The following BCAR3 variants were observed in gnomAD, a reference collection of about 807,000 sequenced individuals.
BCAR3 encodes BCAR3 adaptor protein, NSP family member, also known as breast cancer anti-estrogen resistance protein 3.
A neutral mutation model predicts 80.1 loss-of-function variants in BCAR3; 37 were observed. That is an observed-to-expected ratio of 0.46 (90% CI 0.36 to 0.61). The LOEUF (loss-of-function observed/expected upper bound fraction) is 0.61, where lower values mean the gene tolerates loss of function less well. Ranked by LOEUF, BCAR3 falls within the 20% of genes least tolerant of loss-of-function variation. The pLI is 0.00. For missense variants in BCAR3, 978 were observed against 1,068.2 expected (o/e 0.92, Z 1.18); for synonymous variants, 389 against 418.9 (o/e 0.93, Z 0.87).
At chr1:93,836,387 T>A (rs1033407608) in intron 2 of BCAR3, among the ~76,000 whole-genome samples, 1 of 152,126 alleles carries the variant, frequency 6.6e-6, no homozygotes, top group Non-Finnish European at 1.5e-5. Context: ...TTTTTATCCT[T>A]CTCTTATTTG....
intron 2 of BCAR3, among the ~76,000 whole-genome samples, chr1:93,754,771 G>T (rs920624905): frequency 2.6e-4 from 40 of 152,138 alleles, no homozygotes; most frequent in Non-Finnish European, 2.1e-4. Flanking sequence ...CATAATTGAT[G>T]ATAATAAATG....
intron 2 of BCAR3, among the ~76,000 whole-genome samples, chr1:93,838,016 C>T (rs562794833): frequency 1.6e-3 from 251 of 152,308 alleles, no homozygotes; most frequent in Non-Finnish European, 1.4e-3. Flanking sequence ...CATTATTGTT[C>T]GCCACAGGCT....
At chr1:93,575,236 C>T (rs1673405783) in intron 8 of BCAR3, among the ~76,000 whole-genome samples, 1 of 152,136 alleles carries the variant, frequency 6.6e-6, no homozygotes, top group African/African-American at 2.4e-5. Flanking sequence ...TCATGGAAAG[C>T]CATGGGCAGT....
At chr1:93,640,306 A>G (rs528858515) in intron 3 of BCAR3, among the ~76,000 whole-genome samples, 1 of 152,282 alleles carries the variant, frequency 6.6e-6, no homozygotes, top group South Asian at 2.1e-4. Flanking sequence ...AGAGACCTCT[A>G]TGAATGTGCT....
intron 2 of BCAR3, among the ~76,000 whole-genome samples, chr1:93,717,809 G>C (rs1650243639): frequency 6.6e-6 from 1 of 152,170 alleles, no homozygotes; most frequent in Non-Finnish European, 1.5e-5. Flanking sequence ...CCTTTGCAGG[G>C]TTGTTATTGG....
exon 2 of BCAR3, chr1:93,845,706 T>C (rs1367896361): frequency 2.0e-5 from 3 of 152,026 alleles, no homozygotes; most frequent in African/African-American, 7.3e-5. Flanking sequence ...GATGAGGTAA[T>C]GTCTCCCTAT....
chr1:93,706,282 C>G (rs545813229), intron 2 of BCAR3: 1 of 152,276 alleles, frequency 6.6e-6, no homozygotes, highest in East Asian at 1.9e-4. Context: ...AGTCTACAGC[C>G]CCTCCTGGAG....
chr1:93,616,068 T>C (rs527838299), intron 3 of BCAR3, among the ~76,000 whole-genome samples: 6 of 152,240 alleles, frequency 3.9e-5, no homozygotes, highest in South Asian at 2.1e-4. Context: ...TCACATAGAA[T>C]TACGAATAAA....
chr1:93,617,740 G>T (rs908215837), intron 3 of BCAR3, among the ~76,000 whole-genome samples: 1 of 152,170 alleles, frequency 6.6e-6, no homozygotes, highest in Admixed American at 6.5e-5. Flanking sequence ...GATGCAACCA[G>T]CTCCATCTTT....
At chr1:93,565,468 CACTT>C (rs1384260505) in intron 11 of BCAR3, among the ~76,000 whole-genome samples, 29 of 152,304 alleles carry the variant, frequency 1.9e-4, no homozygotes, top group African/African-American at 6.5e-4. Context: ...GGTTCACTGT[CACTT>C]ACAGCAATGG....
intron 2 of BCAR3, among the ~76,000 whole-genome samples, chr1:93,762,819 C>T (rs1651999522): frequency 6.6e-6 from 1 of 152,060 alleles, no homozygotes; most frequent in African/African-American, 2.4e-5. Flanking sequence ...TCTCTCTCTC[C>T]CTCCTGAATC....
chr1:93,681,991 G>A (rs1442524266), upstream of BCAR3, among the ~76,000 whole-genome samples: 1 of 151,786 alleles, frequency 6.6e-6, no homozygotes, highest in Non-Finnish European at 1.5e-5. Context: ...TTAGAGTTTG[G>A]CTCTCTTCGT....
intron 3 of BCAR3, among the ~76,000 whole-genome samples, chr1:93,699,351 G>A (rs1649552801): frequency 6.6e-6 from 1 of 152,188 alleles, no homozygotes; most frequent in African/African-American, 2.4e-5. Context: ...GGCACTTGAA[G>A]CCAATCTCCC....
At chr1:93,575,991 G>A (rs751032683) in intron 8 of BCAR3, 23 bp downstream of exon 8, 1 of 1,601,656 alleles carries the variant, frequency 6.2e-7, no homozygotes, top group Non-Finnish European at 8.6e-7. Flanking sequence ...AGGGTCGGAA[G>A]TGCAGAGGAC....
intron 2 of BCAR3, among the ~76,000 whole-genome samples, chr1:93,672,283 T>C (rs1230829487): frequency 1.3e-5 from 2 of 152,184 alleles, no homozygotes; most frequent in East Asian, 1.9e-4. Flanking sequence ...TACCAAGAAC[T>C]TCCCCAAGAT....
chr1:93,823,732 C>T lies in BCAR3; in HGVS notation c.-63+21835G>A, dbSNP rs981528284. 7.4e-5 allele frequency among the ~76,000 whole-genome samples: 10 copies of T among 134,358 alleles called. 1 individual carries two copies. Among genetic ancestry groups the T allele is most frequent in the South Asian group, 3.0e-4 (1 of 3,336 alleles). 88.1% of individuals were successfully genotyped at this position (134,358 alleles called of 152,430 possible). On this transcript the variant is annotated intron_variant, in intron 2 of 13. Transcript: ENST00000370244. ...GTTATTATTTTTTGAGACGGAGTCT[C>T]GCTCTGTGGCCAGGCTGGGTGCAGT...
intron 2 of BCAR3, among the ~76,000 whole-genome samples, chr1:93,810,410 G>A (rs569604150): frequency 5.9e-5 from 9 of 152,194 alleles, no homozygotes; most frequent in South Asian, 4.2e-4. Context: ...AATACTAAAC[G>A]TGGTTATGAC....
chr1:93,691,861 C>A (rs181784272), intron 3 of BCAR3, among the ~76,000 whole-genome samples: 1 of 152,282 alleles, frequency 6.6e-6, no homozygotes, highest in East Asian at 1.9e-4. Context: ...TTCACTCCCA[C>A]GTGAGTGGCA....
intron 3 of BCAR3, among the ~76,000 whole-genome samples, chr1:93,624,039 G>T (rs1675387991): frequency 6.6e-6 from 1 of 152,206 alleles, no homozygotes; most frequent in South Asian, 2.1e-4. Context: ...ACACGAATTT[G>T]CCTCTAGGAA....
Sources: allele counts gnomAD v4.1 joint callset (sites outside exome capture counted in the v4.1 genomes callset), GRCh38; gene constraint gnomAD v4.1.1; transcripts MANE v1.5; gene names NCBI Gene and HGNC (gene_info 2026-07-23, HGNC 2026-07-21).